The following OCA2 variants were observed in gnomAD, a reference collection of about 807,000 sequenced individuals.
The protein encoded by OCA2 is OCA2 melanosomal transmembrane protein.
OCA2 carries 77 observed loss-of-function variants against 100.2 expected under a neutral mutation model. The ratio of observed to expected loss-of-function variants is 0.77; its 90% CI spans 0.64 to 0.93. OCA2 has a LOEUF of 0.93. Among genes scored for constraint, OCA2 ranks in the 40% least tolerant of loss-of-function variants. The pLI, the probability that OCA2 is intolerant of heterozygous loss-of-function variation, is 0.00. For missense variants in OCA2, 1,062 were observed against 1,089.1 expected, an observed-to-expected ratio of 0.98 and a Z score of 0.35; for synonymous variants, 432 against 439.2, an observed-to-expected ratio of 0.98 and a Z score of 0.21.
intron 14 of OCA2, among the ~76,000 whole-genome samples, chr15:27,967,687 C>A (rs1422695152): frequency 2.6e-5 from 4 of 152,256 alleles, no homozygotes; most frequent in African/African-American, 9.6e-5. Context: ...GCCGCAGGGA[C>A]TCAAGCAGGA....
intron 21 of OCA2, among the ~76,000 whole-genome samples, chr15:27,852,475 A>C (rs2035790448): frequency 6.6e-6 from 1 of 152,258 alleles, no homozygotes; most frequent in African/African-American, 2.4e-5. Flanking sequence ...AAACCCTAGA[A>C]GAAAACCTAG....
At chr15:27,879,743 G>A (rs1055979373) in intron 19 of OCA2, among the ~76,000 whole-genome samples, 16 of 151,974 alleles carry the variant, frequency 1.1e-4, no homozygotes, top group South Asian at 8.3e-4. Flanking sequence ...TGTAGATTCT[G>A]GATATTAGAC....
rs572368483 is a variant in OCA2, at chr15:27,844,810, G to GT, written c.2432+148dup. On this transcript the variant is annotated intron_variant, in intron 23 of 23. Transcript: ENST00000354638. ...GCCACCAGCAATAAATTTTTAATGT[G>GT]TTTTTTTCTGAGCTAATCTCCCCTA... The GT allele has an allele frequency of 1.2e-3, 838 of 696,686 alleles. 2 individuals are homozygous for GT. The highest frequency in any genetic ancestry group is 1.3e-3 in the Non-Finnish European group (492 of 393,106). 43.2% of individuals were successfully genotyped at this position (696,686 alleles called of 1,614,324 possible). A position where few individuals can be genotyped will look rare whatever the true frequency, so the allele number is the denominator to read the frequency against.
chr15:27,766,768 C>T (rs2031294505), intron 23 of OCA2, among the ~76,000 whole-genome samples: 1 of 152,206 alleles, frequency 6.6e-6, no homozygotes, highest in Admixed American at 6.5e-5. Context: ...CAGGAGGGCA[C>T]CTACCTCCCA....
chr15:27,758,332 C>A (rs1189596227), intron 23 of OCA2, among the ~76,000 whole-genome samples: 1 of 152,174 alleles, frequency 6.6e-6, no homozygotes, highest in African/African-American at 2.4e-5. Context: ...ACCACTCCTG[C>A]CAAATTCCAC....
chr15:28,060,058 C>A (rs76245154), intron 2 of OCA2, among the ~76,000 whole-genome samples: 14,508 of 152,314 alleles, frequency 0.095, 952 homozygotes, highest in Middle Eastern at 0.24. Flanking sequence ...CTTCCACCAA[C>A]CCTCATGGCA....
At position 27,913,816 on chromosome 15, in the gene OCA2, GAGAAAGAA is replaced by G. The variant is rs1227102939; in HGVS notation, c.2079+12303_2079+12310del. Among the ~76,000 whole-genome samples the G allele has an allele frequency of 2.5e-3, 163 of 66,158 alleles. 4 individuals are homozygous for G. Among genetic ancestry groups the G allele is most frequent in the African/African-American group, 8.3e-3 (157 of 18,888 alleles). The allele number at this position is 66,158 out of a possible 152,430, so 43.4% of individuals were successfully genotyped here. Reference sequence around the variant, plus strand: ...GCAGAGACACAACAAAAAAAAAAAAGAGAAAGAAAGAAAGAAAGAAAGGAAAGAAAGAA... The same window carrying G: ...GCAGAGACACAACAAAAAAAAAAAAGAGAAAGAAAGAAAGGAAAGAAAGAA... On this transcript the variant is annotated intron_variant, in intron 19 of 23. Coordinates refer to ENST00000354638, the MANE Select transcript of OCA2 (RefSeq NM_000275.3).
At chr15:27,807,005 C>T (rs2033881663) in intron 23 of OCA2, among the ~76,000 whole-genome samples, 1 of 152,128 alleles carries the variant, frequency 6.6e-6, no homozygotes, top group African/African-American at 2.4e-5. Flanking sequence ...TTAGCAAATC[C>T]CCTCAACTCC....
At chr15:28,041,850 C>A (rs770626091) in intron 2 of OCA2, among the ~76,000 whole-genome samples, 1 of 151,920 alleles carries the variant, frequency 6.6e-6, no homozygotes, top group Non-Finnish European at 1.5e-5. Flanking sequence ...GGCTCAAAAC[C>A]AAGACACACT....
At position 27,940,677 on chromosome 15, in the gene OCA2, A is replaced by G. The variant is rs181623584; in HGVS notation, c.1951+11107T>C. On this transcript the variant is annotated intron_variant, in intron 18 of 23. Transcript: ENST00000354638. ...CAAGAAAATATCAAATGGATAGGCT[A>G]TATGTCATCTGGTCTGTTTGCAAAC... 2.8e-4 allele frequency among the ~76,000 whole-genome samples: 42 copies of G among 152,362 alleles called. No homozygotes were observed. The East Asian group carries it at 5.2e-3, about 19-fold the overall frequency.
At chr15:27,851,081 C>A (rs2035730440) in intron 22 of OCA2, among the ~76,000 whole-genome samples, 1 of 152,190 alleles carries the variant, frequency 6.6e-6, no homozygotes, top group Non-Finnish European at 1.5e-5. Flanking sequence ...GATTCAAAAT[C>A]TGTTTCTAAA....
chr15:27,788,944 A>G (rs1414041864), intron 23 of OCA2, among the ~76,000 whole-genome samples: 4 of 152,128 alleles, frequency 2.6e-5, no homozygotes, highest in Non-Finnish European at 5.9e-5. Context: ...GGCCTAGATT[A>G]ATAACTAACC....
chr15:28,013,170 C>T (rs984246638), intron 9 of OCA2, among the ~76,000 whole-genome samples: 2 of 152,072 alleles, frequency 1.3e-5, no homozygotes, highest in African/African-American at 4.8e-5. Context: ...GCACAGGTGC[C>T]CCAAAATGGA....
chr15:28,008,357 G>C (rs1363609371), intron 9 of OCA2, among the ~76,000 whole-genome samples: 2 of 152,122 alleles, frequency 1.3e-5, no homozygotes, highest in South Asian at 4.1e-4. Flanking sequence ...ACTTGTCCTG[G>C]CATGCTTATA....
intron 21 of OCA2, among the ~76,000 whole-genome samples, chr15:27,857,620 A>C (rs930991848): frequency 6.6e-6 from 1 of 152,146 alleles, no homozygotes; most frequent in Non-Finnish European, 1.5e-5. Flanking sequence ...ATGTCAAAAA[A>C]AGAAGAAATT....
At chr15:27,947,899 G>A (rs1036416609) in intron 18 of OCA2, among the ~76,000 whole-genome samples, 23 of 152,300 alleles carry the variant, frequency 1.5e-4, no homozygotes, top group Admixed American at 1.5e-3. Context: ...GCTCCCGGAT[G>A]AAGAACACAC....
chr15:28,032,007 C>G, intron 3 of OCA2, 58 bp downstream of exon 3: 2 of 1,303,642 alleles, frequency 1.5e-6, no homozygotes, highest in Non-Finnish European at 2.2e-6. Context: ...CTCCAGCATA[C>G]ATGCCAGGTG....
chr15:27,725,160 C>T, the OCA2 span, among the ~76,000 whole-genome samples: 3 of 152,140 alleles, frequency 2.0e-5, no homozygotes, highest in African/African-American at 7.2e-5. Context: ...GGTGATTCCT[C>T]GAAGGGCCAC....
intron 18 of OCA2, among the ~76,000 whole-genome samples, chr15:27,929,961 T>C (rs1332214557): frequency 2.0e-5 from 3 of 152,028 alleles, no homozygotes; most frequent in Admixed American, 2.0e-4. Flanking sequence ...CCTTAGAATG[T>C]GTAAAATCAA....
Sources: gnomAD v4.1 joint callset for allele counts (sites outside exome capture counted in the v4.1 genomes callset) on GRCh38, gnomAD v4.1.1 for gene constraint, MANE v1.5 for transcripts, NCBI Gene and HGNC (gene_info 2026-07-23, HGNC 2026-07-21) for gene names.